The following PCDHGA5 variants were observed in gnomAD, a reference collection of about 807,000 sequenced individuals.
PCDHGA5 encodes the protein protocadherin gamma-A5.
In PCDHGA5, 36 loss-of-function variants were observed where a neutral mutation model predicts 56.7. The ratio of observed to expected loss-of-function variants is 0.64; its 90% CI spans 0.49 to 0.84. The LOEUF is 0.84. Ranked by LOEUF, PCDHGA5 falls within the 40% of genes least tolerant of loss-of-function variation. The pLI is 0.00. For synonymous variants in PCDHGA5, 563 were observed against 520.2 expected (o/e 1.08, Z -1.12); for missense variants, 1,305 against 1,201.5 (o/e 1.09, Z -1.27).
chr5:141,421,538 T>A, intron 1 of PCDHGA5: 2 of 1,614,028 alleles, frequency 1.2e-6, no homozygotes, highest in Non-Finnish European at 1.7e-6. Context: ...TCCTCCTGTT[T>A]TTTAAATATG....
chr5:141,412,987 A>C lies in PCDHGA5; in HGVS notation c.2421+46236A>C, dbSNP rs192699644. Reference sequence around the variant, plus strand: ...AGGAGAGAAAACGCAGCCAGAGCTCAATCCGGATTCTCAGGGCTTCAACTA... The same window carrying C: ...AGGAGAGAAAACGCAGCCAGAGCTCCATCCGGATTCTCAGGGCTTCAACTA... On this transcript the variant is annotated intron_variant, in intron 1 of 3. Transcript: ENST00000518069. The C allele has an allele frequency of 5.3e-6, 3 of 564,534 alleles. No homozygotes were observed. In the African/African-American group the frequency reaches 5.7e-5, roughly 11 times the overall value. The allele number at this position is 564,534 out of a possible 1,614,324, so 35.0% of individuals were successfully genotyped here.
chr5:141,387,718 T>G, intron 1 of PCDHGA5: 1 of 1,099,216 alleles, frequency 9.1e-7, no homozygotes, highest in South Asian at 1.7e-5. Context: ...CAGCTCAGAC[T>G]CCCCAGCGCC....
At chr5:141,415,023 C>G in intron 1 of PCDHGA5, 1 of 1,613,530 alleles carries the variant, frequency 6.2e-7, no homozygotes, top group Non-Finnish European at 8.5e-7. Context: ...TCAAGGCCAG[C>G]GAGCCGGGAC....
chr5:141,486,405 G>A lies in PCDHGA5; in HGVS notation c.2422-8402G>A. 6.2e-7 allele frequency: 1 copy of A among 1,614,114 alleles called. No homozygotes were observed. The highest frequency in any genetic ancestry group is 2.2e-5 in the East Asian group (1 of 44,862). On this transcript the variant is annotated intron_variant, in intron 1 of 3. Transcript: ENST00000518069. The surrounding 1 kb of genome is among the most constrained non-coding windows in gnomAD (Gnocchi z 5.0). ...AACCAGTTCTCCCTGGTGACTGCTG[G>A]ACCCTTGGATCGAGAGGCCAAATCT...
chr5:141,389,270 C>A, intron 1 of PCDHGA5: 1 of 1,614,004 alleles, frequency 6.2e-7, no homozygotes, highest in Non-Finnish European at 8.5e-7. Flanking sequence ...TGGCCGAGAA[C>A]AACCCGCCTG....
intron 2 of PCDHGA5, among the ~76,000 whole-genome samples, chr5:141,495,663 G>T (rs756466649): frequency 6.6e-6 from 1 of 152,050 alleles, no homozygotes; most frequent in African/African-American, 2.4e-5. Context: ...GATCTGTGCC[G>T]CCCACTGTGC....
In PCDHGA5 at chr5:141,487,774, C is replaced by T. The variant is rs1272776899; in HGVS notation, c.2422-7033C>T. 2.0e-6 allele frequency: 3 copies of T among 1,534,064 alleles called. 1 individual carries two copies. The highest frequency in any genetic ancestry group is 2.6e-6 in the Non-Finnish European group (3 of 1,135,588). On this transcript the variant is annotated intron_variant, in intron 1 of 3. Transcript: ENST00000518069. The surrounding 1 kb of genome is among the most constrained non-coding windows in gnomAD (Gnocchi z 5.0). Reference sequence around the variant, plus strand: ...ATGTGGTAGACGCTGTGCTTTGTAACTGTTTCGTGAATTAACCAGAGTTGT... The same window carrying T: ...ATGTGGTAGACGCTGTGCTTTGTAATTGTTTCGTGAATTAACCAGAGTTGT...
intron 1 of PCDHGA5, among the ~76,000 whole-genome samples, chr5:141,438,678 G>C (rs2098050264): frequency 7.1e-6 from 1 of 140,560 alleles, no homozygotes; most frequent in African/African-American, 2.6e-5. Context: ...ATTTGGAGTA[G>C]GGGATGGAGT....
chr5:141,399,972 G>A, intron 1 of PCDHGA5: 1 of 1,612,256 alleles, frequency 6.2e-7, no homozygotes. Flanking sequence ...TCTTCAGCCT[G>A]GGGCTGCGCA....
chr5:141,414,597 C>T, intron 1 of PCDHGA5: 5 of 1,613,972 alleles, frequency 3.1e-6, no homozygotes, highest in Non-Finnish European at 3.4e-6. Flanking sequence ...GGGGTGCCTC[C>T]ATCTTCTCAG....
intron 1 of PCDHGA5, chr5:141,413,089 C>T: frequency 7.1e-7 from 1 of 1,401,124 alleles, no homozygotes; most frequent in Non-Finnish European, 9.7e-7. Context: ...TACAGAGACA[C>T]CCTGAAGCCA....
At position 141,384,752 on chromosome 5, in the gene PCDHGA5, C is replaced by T. The variant is rs974144646; in HGVS notation, c.2421+18001C>T. 6.2e-6 allele frequency: 10 copies of T among 1,613,906 alleles called. No individual in the cohort carries two copies. The African/African-American group carries it at 6.7e-5, about 11-fold the overall frequency. ...AAGGCCAGCGAGCCAGGACTCTTTG[C>T]GGTTGGGCTGTACACGGGCGAGGTG... On this transcript the variant is annotated intron_variant, in intron 1 of 3. Coordinates refer to ENST00000518069, the MANE Select transcript of PCDHGA5 (RefSeq NM_018918.3).
chr5:141,423,877 C>G, intron 1 of PCDHGA5: 1 of 1,283,890 alleles, frequency 7.8e-7, no homozygotes, highest in South Asian at 3.4e-5. Flanking sequence ...ATTTTTCAAT[C>G]TTGGCATATT....
Position 141,431,240 on chromosome 5 carries a change from G to A in PCDHGA5, c.2422-63567G>A, listed in dbSNP as rs1402814836. 6 of 1,614,044 alleles carry A rather than the reference G, an allele frequency of 3.7e-6. No individual in the cohort carries two copies. Among genetic ancestry groups the A allele is most frequent in the Non-Finnish European group, 5.1e-6 (6 of 1,180,056 alleles). On this transcript the variant is annotated intron_variant, in intron 1 of 3. Coordinates refer to ENST00000518069, the MANE Select transcript of PCDHGA5 (RefSeq NM_018918.3). The surrounding 1 kb of genome is among the most constrained non-coding windows in gnomAD (Gnocchi z 4.8). Reference sequence around the variant, plus strand: ...CCCTCTACCCCACGCCTGGGATCCGGATATCGGGAAGAACTCTCTGCAGAG... The same window carrying A: ...CCCTCTACCCCACGCCTGGGATCCGAATATCGGGAAGAACTCTCTGCAGAG...
chr5:141,490,473 T>C lies in PCDHGA5; in HGVS notation c.2422-4334T>C. 6.2e-7 allele frequency: 1 copy of C among 1,614,228 alleles called. No homozygotes were observed. Among genetic ancestry groups the C allele is most frequent in the East Asian group, 2.2e-5 (1 of 44,878 alleles). On this transcript the variant is annotated intron_variant, in intron 1 of 3. Transcript: ENST00000518069. This position sits in a 1 kb window ranked among gnomAD's most constrained non-coding sequence, Gnocchi z 5.4. ...ACTACTCGCTGCTAACCAGCCAGCC[T>C]TTGGACCGGGAGGCCACATCCCACT...
At chr5:141,376,368 A>C in intron 1 of PCDHGA5, 1 of 1,613,920 alleles carries the variant, frequency 6.2e-7, no homozygotes, top group Non-Finnish European at 8.5e-7. Flanking sequence ...CTCACTGCAG[A>C]CTCGCGTAAG....
chr5:141,504,645 T>C (rs1481469819), intron 2 of PCDHGA5, among the ~76,000 whole-genome samples: 2 of 112,538 alleles, frequency 1.8e-5, no homozygotes, highest in Non-Finnish European at 3.4e-5. Context: ...GGTTTGATGA[T>C]AGAGTGTTTG....
rs760747309 is a variant in PCDHGA5, at chr5:141,477,613, A to G, written c.2422-17194A>G. 1.2e-6 allele frequency: 2 copies of G among 1,614,210 alleles called. No individual in the cohort carries two copies. Among genetic ancestry groups the G allele is most frequent in the Non-Finnish European group, 8.5e-7 (1 of 1,180,044 alleles). ...GGCTTTCTTTCTTTCTCTTGGAGCA[A>G]GGAGCTGAAACCGGGCTAGTGGGTC... On this transcript the variant is annotated intron_variant, in intron 1 of 3. Coordinates refer to ENST00000518069, the MANE Select transcript of PCDHGA5 (RefSeq NM_018918.3). This position sits in a 1 kb window ranked among gnomAD's most constrained non-coding sequence, Gnocchi z 4.9.
rs2099686717 is a variant in PCDHGA5, at chr5:141,489,403, A to C, written c.2422-5404A>C. The C allele has an allele frequency of 6.2e-7, 1 of 1,614,172 alleles. No homozygotes were observed. Among genetic ancestry groups the C allele is most frequent in the East Asian group, 2.2e-5 (1 of 44,884 alleles). On this transcript the variant is annotated intron_variant, in intron 1 of 3. Coordinates refer to ENST00000518069, the MANE Select transcript of PCDHGA5 (RefSeq NM_018918.3). The surrounding 1 kb of genome is among the most constrained non-coding windows in gnomAD (Gnocchi z 4.5). ...GAATGTTGCTCAGGATCTGGGCTTA[A>C]AGATGACAGATCTGTTGAGCCGGCG...
Sources: gnomAD v4.1 joint callset for allele counts (sites outside exome capture counted in the v4.1 genomes callset) on GRCh38, gnomAD v4.1.1 for gene constraint, Gnocchi (gnomAD v3.1) non-coding constraint, MANE v1.5 for transcripts, NCBI Gene and HGNC (gene_info 2026-07-23, HGNC 2026-07-21) for gene names.